The following TOM1L2 variants were observed in gnomAD, a reference collection of about 807,000 sequenced individuals.
TOM1L2 encodes target of myb1 like 2 membrane trafficking protein.
TOM1L2 carries 31 observed loss-of-function variants against 67.9 expected under a neutral mutation model. That is an observed-to-expected ratio of 0.46 (90% CI 0.34 to 0.62). The LOEUF (loss-of-function observed/expected upper bound fraction) is 0.62. Ranked by LOEUF, TOM1L2 falls within the 20% of genes least tolerant of loss-of-function variation. The probability of loss-of-function intolerance (pLI) is 0.01; values close to 1 mark genes in which losing one functional copy is unlikely to be tolerated. For synonymous variants in TOM1L2, 256 were observed against 254.0 expected (o/e 1.01, Z -0.07); for missense variants, 606 against 663.5 (o/e 0.91, Z 0.95).
intron 7 of TOM1L2, among the ~76,000 whole-genome samples, chr17:17,873,812 A>G (rs1449610255): frequency 6.6e-6 from 1 of 152,222 alleles, no homozygotes; most frequent in Non-Finnish European, 1.5e-5. Flanking sequence ...GCAGAAGGCC[A>G]CTGTCATGCT....
chr17:17,904,321 C>G (rs2038992227), intron 2 of TOM1L2, among the ~76,000 whole-genome samples: 1 of 152,222 alleles, frequency 6.6e-6, no homozygotes, highest in Non-Finnish European at 1.5e-5. Flanking sequence ...AATAAGGAAG[C>G]TCCTGGGGTT....
In TOM1L2 at chr17:17,907,674, T is replaced by C. The variant is rs374661887; in HGVS notation, c.53-143A>G. 25 of 670,344 alleles carry C rather than the reference T, an allele frequency of 3.7e-5. 1 individual carries two copies. The highest frequency in any genetic ancestry group is 1.7e-4 in the East Asian group (6 of 35,656). The allele number at this position is 670,344 out of a possible 1,614,324, so 41.5% of individuals were successfully genotyped here. ...CAGAGCCATTCTAGGAGTGCTATTA[T>C]CACAAGAGAACACCCGGGAAAGGTC... On this transcript the variant is annotated intron_variant, in intron 1 of 14. Coordinates refer to ENST00000379504, the MANE Select transcript of TOM1L2 (RefSeq NM_001082968.2).
intron 1 of TOM1L2, among the ~76,000 whole-genome samples, chr17:17,908,962 C>T (rs1484319685): frequency 2.6e-5 from 4 of 152,168 alleles, no homozygotes; most frequent in Non-Finnish European, 4.4e-5. Context: ...GAGGATGGAT[C>T]ACCAGGTCAG....
At chr17:17,926,782 T>A (rs1441466455) in intron 1 of TOM1L2, among the ~76,000 whole-genome samples, 1 of 151,954 alleles carries the variant, frequency 6.6e-6, no homozygotes, top group East Asian at 1.9e-4. Context: ...CGCTTGAACC[T>A]GGGAGGCAGA....
intron 1 of TOM1L2, among the ~76,000 whole-genome samples, chr17:17,952,143 T>C (rs1420321347): frequency 2.0e-5 from 3 of 152,184 alleles, no homozygotes; most frequent in African/African-American, 4.8e-5. Context: ...TGTGGAATGC[T>C]TGCACAATGA....
intron 10 of TOM1L2, among the ~76,000 whole-genome samples, chr17:17,865,908 A>C (rs1203689075): frequency 6.8e-6 from 1 of 146,704 alleles, no homozygotes; most frequent in East Asian, 2.1e-4. Flanking sequence ...TGCGCAGCTA[A>C]TTTTTGTATT....
intron 1 of TOM1L2, among the ~76,000 whole-genome samples, chr17:17,939,021 C>T (rs759327052): frequency 1.5e-4 from 23 of 152,120 alleles, no homozygotes; most frequent in Non-Finnish European, 2.4e-4. Flanking sequence ...AGTGTTTCAC[C>T]AATAAGTTAT....
intron 1 of TOM1L2, among the ~76,000 whole-genome samples, chr17:17,958,370 G>A (rs1320032924): frequency 6.6e-6 from 1 of 152,112 alleles, no homozygotes; most frequent in African/African-American, 2.4e-5. Flanking sequence ...TAAAACAGAA[G>A]ACCATTGGTG....
chr17:17,899,172 AAACCCTAACT>A (rs1380967338), intron 2 of TOM1L2, among the ~76,000 whole-genome samples: 2 of 152,200 alleles, frequency 1.3e-5, no homozygotes, highest in African/African-American at 2.4e-5. Context: ...TATTTATTCA[AAACCCTAACT>A]AACCCACTGG....
chr17:17,906,088 C>A (rs2039084486), intron 2 of TOM1L2, among the ~76,000 whole-genome samples: 1 of 151,586 alleles, frequency 6.6e-6, no homozygotes, highest in African/African-American at 2.4e-5. Context: ...TGTTCAATGT[C>A]ACCTTCTAAA....
At chr17:17,956,062 C>T (rs1459642482) in intron 1 of TOM1L2, among the ~76,000 whole-genome samples, 1 of 149,728 alleles carries the variant, frequency 6.7e-6, no homozygotes, top group Non-Finnish European at 1.5e-5. Flanking sequence ...GAGTAAGCAG[C>T]AACATTTGTT....
intron 1 of TOM1L2, among the ~76,000 whole-genome samples, chr17:17,925,319 G>A (rs961300791): frequency 6.6e-6 from 1 of 151,958 alleles, no homozygotes; most frequent in East Asian, 1.9e-4. Context: ...ACACAAAATT[G>A]ATTTTTAAAA....
intron 8 of TOM1L2, chr17:17,869,033 C>A: frequency 6.3e-6 from 2 of 318,818 alleles, no homozygotes; most frequent in Non-Finnish European, 1.2e-5. Context: ...CCAGAGGCCC[C>A]CAAGTGCTAC....
At chr17:17,869,242 C>T in intron 8 of TOM1L2, 98 bp downstream of exon 8, 1 of 1,569,792 alleles carries the variant, frequency 6.4e-7, no homozygotes, top group Middle Eastern at 1.7e-4. Flanking sequence ...TAATCTCTCT[C>T]CCTCTCCCTC....
rs1302492582 is a variant in TOM1L2 at position 17,847,776 on chromosome 17, A to G, written c.1383T>C (p.Asp461=). 1 of 1,613,918 alleles carries G rather than the reference A, an allele frequency of 6.2e-7. No individual in the cohort carries two copies. Among genetic ancestry groups the G allele is most frequent in the African/African-American group, 1.3e-5 (1 of 74,886 alleles). The change falls in exon 15 of 15, where the codon GAT becomes GAC. Residue 461 remains aspartate (D), a synonymous_variant. Transcript: ENST00000379504. ...LEEGVTSEEF[D]KFLEERAKAA... Reference sequence around the variant, plus strand: ...CTTTGGCTCTTTCTTCAAGGAATTTATCAAACTCTGCAATACAAACCAAGG... The same window carrying G: ...CTTTGGCTCTTTCTTCAAGGAATTTGTCAAACTCTGCAATACAAACCAAGG...
chr17:17,959,044 C>T (rs974143160), intron 1 of TOM1L2, among the ~76,000 whole-genome samples: 5 of 152,206 alleles, frequency 3.3e-5, no homozygotes, highest in African/African-American at 9.7e-5. Flanking sequence ...ACACCTTGCC[C>T]GATGAATCTC....
At chr17:17,931,979 A>G (rs1014330963) in intron 1 of TOM1L2, among the ~76,000 whole-genome samples, 3 of 152,232 alleles carry the variant, frequency 2.0e-5, no homozygotes, top group African/African-American at 7.2e-5. Flanking sequence ...ATTGTTATGA[A>G]TGTATATCAC....
intron 1 of TOM1L2, among the ~76,000 whole-genome samples, chr17:17,930,392 C>T (rs949118205): frequency 1.3e-5 from 2 of 152,118 alleles, no homozygotes; most frequent in African/African-American, 4.8e-5. Context: ...TGTGTAGGAC[C>T]TAACTTTGAA....
chr17:17,948,291 T>C (rs2041039967), intron 1 of TOM1L2, among the ~76,000 whole-genome samples: 1 of 152,168 alleles, frequency 6.6e-6, no homozygotes, highest in Non-Finnish European at 1.5e-5. Context: ...CAAGTACAGC[T>C]GGGGAGGGCA....
Sources: gnomAD v4.1 joint callset for allele counts (sites outside exome capture counted in the v4.1 genomes callset) on GRCh38, gnomAD v4.1.1 for gene constraint, MANE v1.5 for transcripts, NCBI Gene and HGNC (gene_info 2026-07-23, HGNC 2026-07-21) for gene names.